CDH23: variants seen among roughly 807,000 people sequenced by gnomAD.
CDH23 encodes cadherin-23.
Under a neutral mutation model 317.1 loss-of-function variants are expected in CDH23, and 189 were observed. That is an observed-to-expected ratio of 0.60 (90% CI 0.53 to 0.67). The LOEUF is 0.67. CDH23 is among the 30% of genes least tolerant of loss of function. CDH23 has a pLI of 0.00. For synonymous variants in CDH23, 1,839 were observed against 1,876.8 expected, an observed-to-expected ratio of 0.98 and a Z score of 0.52; for missense variants, 4,401 against 4,592.4, an observed-to-expected ratio of 0.96 and a Z score of 1.20.
intron 24 of CDH23, among the ~76,000 whole-genome samples, chr10:71,703,072 C>T (rs760223938): frequency 1.3e-3 from 196 of 152,160 alleles, no homozygotes; most frequent in Non-Finnish European, 2.4e-3. Flanking sequence ...TCATAAGCCC[C>T]GGATCAGCTC....
intron 19 of CDH23, among the ~76,000 whole-genome samples, chr10:71,689,382 T>C (rs1865100903): frequency 6.6e-6 from 1 of 152,056 alleles, no homozygotes; most frequent in Non-Finnish European, 1.5e-5. Flanking sequence ...CCCTGGAGAA[T>C]GTCACTGCTA....
intron 3 of CDH23, among the ~76,000 whole-genome samples, chr10:71,474,482 G>A (rs59332935): frequency 0.14 from 21,483 of 152,182 alleles, 1,964 homozygotes; most frequent in African/African-American, 0.26. Context: ...GCAGCAAACA[G>A]CGTTTGCCAT....
intron 38 of CDH23, among the ~76,000 whole-genome samples, chr10:71,770,108 C>T (rs1030405116): frequency 2.0e-5 from 3 of 152,230 alleles, no homozygotes; most frequent in Non-Finnish European, 4.4e-5. Context: ...TCACCAATGC[C>T]TTCCCAGGCC....
At chr10:71,676,622 A>T (rs1227037) in intron 15 of CDH23, among the ~76,000 whole-genome samples, 96,404 of 151,990 alleles carry the variant, frequency 0.63, 31,037 homozygotes, top group East Asian at 0.73. Context: ...GTGAAACCCT[A>T]TCTCAAAAAA....
chr10:71,628,007 A>G (rs989515713), intron 11 of CDH23, among the ~76,000 whole-genome samples: 2 of 151,924 alleles, frequency 1.3e-5, no homozygotes, highest in African/African-American at 4.8e-5. Context: ...GGAACCTCCC[A>G]TACTCCCCCT....
intron 2 of CDH23, among the ~76,000 whole-genome samples, chr10:71,444,851 T>A (rs1850080661): frequency 1.3e-5 from 2 of 152,196 alleles, no homozygotes; most frequent in Admixed American, 1.3e-4. Context: ...CCTGGAGGGC[T>A]GAGCAGGTGC....
At chr10:71,659,960 G>GTTTT (rs5786047) in intron 14 of CDH23, among the ~76,000 whole-genome samples, 10 of 119,520 alleles carry the variant, frequency 8.4e-5, no homozygotes, top group Admixed American at 8.8e-5. Flanking sequence ...CTTTCTTTCC[G>GTTTT]TTTTTTTTTT....
At chr10:71,696,957 A>C (rs923138873) in intron 22 of CDH23, among the ~76,000 whole-genome samples, 1 of 152,144 alleles carries the variant, frequency 6.6e-6, no homozygotes, top group Non-Finnish European at 1.5e-5. Flanking sequence ...CAGGGATTCC[A>C]AGAGCTGGGG....
rs747783633 is a variant in CDH23 at position 71,694,151 on chromosome 10, A to T, written c.2181A>T (p.Glu727Asp). 3 of 1,613,534 alleles carry T rather than the reference A, an allele frequency of 1.9e-6. No homozygotes were observed. Among genetic ancestry groups the T allele is most frequent in the Non-Finnish European group, 1.7e-6 (2 of 1,179,748 alleles). ...ACCCACTTCTCTCTCTGGCAGGGGA[A>T]ATCACCACCACGTCTCTGCTTGACC... ...TQFRINARSG[E>D]ITTTSLLDRE... Residue 727 changes from glutamate (E) to aspartate (D), a missense_variant, in exon 21 of 70, where the codon GAA becomes GAT. Physicochemically the swap from Glu to Asp is conservative, Grantham distance 45 (BLOSUM62 2). This residue lies in a region of CDH23 where 3,068 missense variants were observed against 3,203.3 expected (regional missense o/e 0.96). Transcript: ENST00000224721.
rs533844490 is a variant in CDH23 at position 71,592,220 on chromosome 10, A to G, written c.832+14228A>G. ...GCTTGCTGTGAGGCTCAGGGTTCCC[A>G]TGGACATTCTGAGCTGACCCTCCTC... On this transcript the variant is annotated intron_variant, in intron 9 of 69. Transcript: ENST00000224721. Among the ~76,000 whole-genome samples, 14 of 152,312 alleles carry G rather than the reference A, an allele frequency of 9.2e-5. No individual in the cohort carries two copies. In the East Asian group the frequency reaches 1.7e-3, roughly 19 times the overall value.
intron 35 of CDH23, 51 bp from the exon 36 acceptor site, chr10:71,739,593 G>T: frequency 6.3e-7 from 1 of 1,590,422 alleles, no homozygotes. Flanking sequence ...GCTTGACCTG[G>T]CCACCTCTCC....
intron 2 of CDH23, 36 bp from the exon 3 acceptor site, chr10:71,446,282 G>A (rs757609099): frequency 3.1e-6 from 5 of 1,595,302 alleles, no homozygotes; most frequent in Non-Finnish European, 4.3e-6. Context: ...GCTGATGGGG[G>A]GTACTTGGCT....
At chr10:71,401,898 C>A (rs1212914302) in intron 1 of CDH23, among the ~76,000 whole-genome samples, 1 of 152,138 alleles carries the variant, frequency 6.6e-6, no homozygotes, top group Non-Finnish European at 1.5e-5. Flanking sequence ...CATTTATAGG[C>A]CATGTTTATT....
intron 42 of CDH23, 38 bp from the exon 43 acceptor site, chr10:71,784,853 T>C: frequency 6.4e-7 from 1 of 1,567,774 alleles, no homozygotes; most frequent in Non-Finnish European, 8.8e-7. Flanking sequence ...CATCTGTCGC[T>C]CTTCCTCCCC....
chr10:71,572,154 A>C (rs907208090), intron 8 of CDH23, among the ~76,000 whole-genome samples: 4 of 152,208 alleles, frequency 2.6e-5, no homozygotes, highest in African/African-American at 9.7e-5. Flanking sequence ...GGACAGATCA[A>C]TGCCCCCAAT....
chr10:71,805,473 C>T (rs1241252140), intron 55 of CDH23, among the ~76,000 whole-genome samples: 2 of 152,186 alleles, frequency 1.3e-5, no homozygotes, highest in Non-Finnish European at 2.9e-5. Flanking sequence ...CCCTCTGTCC[C>T]CAAAACCTCA....
At chr10:71,688,987 T>C (rs796741524) in intron 19 of CDH23, among the ~76,000 whole-genome samples, 181 of 2,142 alleles carry the variant, frequency 0.085, 12 homozygotes, top group Middle Eastern at 0.25. Context: ...GGTGGTGGAG[T>C]CAGGGATGGT....
In CDH23 at chr10:71,645,832, G is replaced by C; in HGVS notation, c.1142G>C (p.Gly381Ala). 1 of 1,610,234 alleles carries C rather than the reference G, an allele frequency of 6.2e-7. No individual in the cohort carries two copies. Among genetic ancestry groups the C allele is most frequent in the Non-Finnish European group, 8.5e-7 (1 of 1,176,920 alleles). ...GCTTCTTCTGCACTCTTGACCCAGG[G>C]CCTGAACAGCATGTTTGAGGTGTAC... ...IQVVDKDENL[G>A]LNSMFEVYLV... The change falls in exon 13 of 70, where the codon GGC (glycine) becomes GCC (alanine). Residue 381 changes from glycine to alanine, a missense_variant and splice_region_variant. Physicochemically the swap from Gly to Ala is moderately conservative, Grantham distance 60 (BLOSUM62 0). This residue lies in a region of CDH23 where 3,068 missense variants were observed against 3,203.3 expected (regional missense o/e 0.96). Transcript: ENST00000224721.
chr10:71,730,694 GA>G (rs1473872750), intron 31 of CDH23, 90 bp downstream of exon 31: 2 of 1,546,178 alleles, frequency 1.3e-6, no homozygotes, highest in Non-Finnish European at 1.7e-6. Context: ...GGTCATCCCT[GA>G]TGCTTCAGGC....
Sources: allele counts gnomAD v4.1 joint callset (sites outside exome capture counted in the v4.1 genomes callset), GRCh38; gene constraint gnomAD v4.1.1; regional missense constraint gnomAD v4.1.1; transcripts MANE v1.5; gene names NCBI Gene and HGNC (gene_info 2026-07-23, HGNC 2026-07-21).